NARS2: variants seen among roughly 807,000 people sequenced by gnomAD.
The protein encoded by NARS2 is asparaginyl-tRNA synthetase.
A neutral mutation model predicts 62.9 loss-of-function variants in NARS2; 60 were observed. The ratio of observed to expected loss-of-function variants is 0.95; its 90% CI spans 0.77 to 1.18. The LOEUF (loss-of-function observed/expected upper bound fraction) is 1.18. Among genes scored for constraint, NARS2 ranks in the 50% most tolerant of loss-of-function variants. The pLI, the probability that NARS2 is intolerant of heterozygous loss-of-function variation, is 0.00. For missense variants in NARS2, 619 were observed against 576.4 expected (o/e 1.07, Z -0.76); for synonymous variants, 196 against 200.0 (o/e 0.98, Z 0.17).
In NARS2 at chr11:78,574,016, G is replaced by A. The variant is rs372334708; in HGVS notation, c.141+332C>T. Reference sequence around the variant, plus strand: ...CACGGTTTCTGCTCTCAAGGAGGGAGGTCAAGACAACCACTTTATAAACCT... The same window carrying A: ...CACGGTTTCTGCTCTCAAGGAGGGAAGTCAAGACAACCACTTTATAAACCT... On this transcript the variant is annotated intron_variant, in intron 1 of 13. Coordinates refer to ENST00000281038, the MANE Select transcript of NARS2 (RefSeq NM_024678.6). Among the ~76,000 whole-genome samples, 17 of 152,288 alleles carry A rather than the reference G, an allele frequency of 1.1e-4. No individual in the cohort carries two copies. The East Asian group carries it at 3.1e-3, about 28-fold the overall frequency.
intron 11 of NARS2, among the ~76,000 whole-genome samples, chr11:78,460,361 G>T (rs1291700805): frequency 6.6e-6 from 1 of 151,332 alleles, no homozygotes; most frequent in African/African-American, 2.4e-5. Context: ...TGCACCTCAG[G>T]CTCCCAAAGT....
chr11:78,457,825 CACAA>C (rs1278095261), intron 11 of NARS2, among the ~76,000 whole-genome samples: 1 of 150,614 alleles, frequency 6.6e-6, no homozygotes, highest in African/African-American at 2.5e-5. Flanking sequence ...CACACACACA[CACAA>C]ACACACACAC....
intron 9 of NARS2, 112 bp downstream of exon 9, chr11:78,478,326 T>G (rs1224325937): frequency 2.6e-5 from 9 of 349,330 alleles, no homozygotes; most frequent in South Asian, 7.7e-5. Context: ...TCTATATATA[T>G]ATCCTATATA....
chr11:78,498,360 TC>T (rs1280117291), intron 6 of NARS2, among the ~76,000 whole-genome samples: 2 of 152,220 alleles, frequency 1.3e-5, no homozygotes, highest in African/African-American at 4.8e-5. Flanking sequence ...TATTTCTGCC[TC>T]CTTTTACATG....
At chr11:78,467,266 T>TGGCCA (rs1858659790) in intron 10 of NARS2, among the ~76,000 whole-genome samples, 1 of 152,182 alleles carries the variant, frequency 6.6e-6, no homozygotes, top group Admixed American at 6.5e-5. Flanking sequence ...AAAAAAGCTC[T>TGGCCA]GGCCAGGCAT....
intron 7 of NARS2, among the ~76,000 whole-genome samples, chr11:78,485,652 C>G (rs1397691947): frequency 6.6e-6 from 1 of 152,140 alleles, no homozygotes; most frequent in African/African-American, 2.4e-5. Flanking sequence ...GGTAAAGTCC[C>G]TGTAGGATAG....
intron 11 of NARS2, among the ~76,000 whole-genome samples, chr11:78,444,300 TATA>T (rs1189438601): frequency 6.6e-6 from 1 of 152,182 alleles, no homozygotes; most frequent in Non-Finnish European, 1.5e-5. Flanking sequence ...TGTTTTTTCT[TATA>T]ATGTGGCAAT....
At chr11:78,506,705 T>C (rs1860512901) in intron 6 of NARS2, among the ~76,000 whole-genome samples, 1 of 152,142 alleles carries the variant, frequency 6.6e-6, no homozygotes, top group Non-Finnish European at 1.5e-5. Context: ...CCAGCTAATT[T>C]TTGTATATTT....
chr11:78,512,167 G>A (rs1038412343), intron 6 of NARS2, among the ~76,000 whole-genome samples: 2 of 152,206 alleles, frequency 1.3e-5, no homozygotes, highest in African/African-American at 2.4e-5. Context: ...AACTCTGACA[G>A]TTAATTGATT....
chr11:78,485,153 C>A (rs1351122582), intron 7 of NARS2, among the ~76,000 whole-genome samples: 2 of 152,088 alleles, frequency 1.3e-5, no homozygotes, highest in African/African-American at 4.8e-5. Context: ...CCAAACACTG[C>A]GTGTTTTCAC....
intron 5 of NARS2, among the ~76,000 whole-genome samples, chr11:78,534,487 T>A (rs1382074109): frequency 6.6e-6 from 1 of 152,180 alleles, no homozygotes; most frequent in Non-Finnish European, 1.5e-5. Flanking sequence ...ACCTAAAAAG[T>A]AAGAAACATG....
rs73506993 is a variant in NARS2, at chr11:78,549,099, G to T, written c.594+10440C>A. Among the ~76,000 whole-genome samples, 650 of 152,360 alleles carry T rather than the reference G, an allele frequency of 4.3e-3. 3 individuals carry two copies. Among genetic ancestry groups the T allele is most frequent in the African/African-American group, 0.015 (622 of 41,588 alleles). Reference sequence around the variant, plus strand: ...AAGTTCTGGGCAAGTGTGGCTGAGAGGTGGAGCCTCCCTTCCTCAGCCCCA... The same window carrying T: ...AAGTTCTGGGCAAGTGTGGCTGAGATGTGGAGCCTCCCTTCCTCAGCCCCA... On this transcript the variant is annotated intron_variant, in intron 5 of 13. Coordinates refer to ENST00000281038, the MANE Select transcript of NARS2 (RefSeq NM_024678.6).
chr11:78,468,702 C>T (rs1461483636), intron 10 of NARS2, among the ~76,000 whole-genome samples: 1 of 152,054 alleles, frequency 6.6e-6, no homozygotes, highest in Non-Finnish European at 1.5e-5. Context: ...CCGCACCCAG[C>T]CTGGTCATCT....
intron 6 of NARS2, among the ~76,000 whole-genome samples, chr11:78,512,453 T>C (rs1860753086): frequency 6.6e-6 from 1 of 152,230 alleles, no homozygotes; most frequent in South Asian, 2.1e-4. Flanking sequence ...GCACCTAATA[T>C]TTCAGTGCCT....
At chr11:78,520,402 C>T (rs1424401828) in intron 6 of NARS2, among the ~76,000 whole-genome samples, 1 of 152,168 alleles carries the variant, frequency 6.6e-6, no homozygotes, top group South Asian at 2.1e-4. Context: ...TCTCTCTCTC[C>T]TTTCTCTTAT....
At chr11:78,544,376 A>C (rs10793326) in intron 5 of NARS2, among the ~76,000 whole-genome samples, 119,713 of 152,184 alleles carry the variant, frequency 0.79, 47,457 homozygotes, top group Non-Finnish European at 0.82. Context: ...TCAAATATGC[A>C]ATGGAACATT....
rs773322069 is a variant in NARS2 at position 78,478,587 on chromosome 11, T to G, written c.919A>C (p.Lys307Gln). 1.9e-6 allele frequency: 3 copies of G among 1,599,478 alleles called. No individual in the cohort carries two copies. The Admixed American group carries it at 5.1e-5, about 27-fold the overall frequency. The change falls in exon 8 of 14, where the codon AAG becomes CAG. Residue 307 changes from lysine to glutamine, a missense_variant and splice_region_variant. Physicochemically the swap from Lys to Gln is moderately conservative, Grantham distance 53. Coordinates refer to ENST00000281038, the MANE Select transcript of NARS2 (RefSeq NM_024678.6). ...LCHKFIAPGQ[K>Q]DRLEHMLKNN... ...GCTTTATCCATAAAACTAATTACCT[T>G]TTGGCCAGGTGCTATGAATTTGTGA...
chr11:78,476,915 A>G (rs1859123897), intron 9 of NARS2, among the ~76,000 whole-genome samples: 2 of 152,228 alleles, frequency 1.3e-5, no homozygotes, highest in South Asian at 4.1e-4. Context: ...CTTTGAAATC[A>G]GATGAACATG....
At chr11:78,513,043 A>C (rs1056245846) in intron 6 of NARS2, among the ~76,000 whole-genome samples, 2 of 152,156 alleles carry the variant, frequency 1.3e-5, no homozygotes, top group African/African-American at 4.8e-5. Context: ...TGAGGTCAGG[A>C]GTTTGAGGCC....
Sources: gnomAD v4.1 joint callset for allele counts (sites outside exome capture counted in the v4.1 genomes callset) on GRCh38, gnomAD v4.1.1 for gene constraint, MANE v1.5 for transcripts, NCBI Gene and HGNC (gene_info 2026-07-23, HGNC 2026-07-21) for gene names.